Variants in AK9 observed in about 807,000 individuals in gnomAD.
AK9 encodes adenylate kinase domain containing 1.
In AK9, 191 loss-of-function variants were observed where a neutral mutation model predicts 239.6. The observed-to-expected ratio is 0.80, with a 90% CI of 0.71 to 0.90. The LOEUF (loss-of-function observed/expected upper bound fraction) is 0.90, where lower values mean the gene tolerates loss of function less well. AK9 is among the 40% of genes least tolerant of loss of function. AK9 has a pLI of 0.00. For missense variants in AK9, 1,995 were observed against 2,214.7 expected (o/e 0.90, Z 1.99); for synonymous variants, 689 against 721.0 (o/e 0.96, Z 0.71).
intron 24 of AK9, 32 bp downstream of exon 24, chr6:109,563,565 A>G: frequency 6.5e-7 from 1 of 1,546,570 alleles, no homozygotes. Flanking sequence ...TGACTTCACA[A>G]ATGAGAATGA....
intron 28 of AK9, among the ~76,000 whole-genome samples, chr6:109,530,049 T>C (rs565815256): frequency 7.9e-5 from 12 of 152,274 alleles, no homozygotes; most frequent in African/African-American, 2.6e-4. Context: ...AGACTTGATA[T>C]ATAGATAGTC....
intron 12 of AK9, among the ~76,000 whole-genome samples, chr6:109,628,802 G>C (rs1795816517): frequency 6.6e-6 from 1 of 151,918 alleles, no homozygotes; most frequent in Non-Finnish European, 1.5e-5. Context: ...TATTTTCCTA[G>C]CATTGCCTAT....
intron 12 of AK9, among the ~76,000 whole-genome samples, chr6:109,619,666 G>A (rs1015926627): frequency 6.6e-6 from 1 of 152,004 alleles, no homozygotes; most frequent in African/African-American, 2.4e-5. Context: ...CATTTGCCGG[G>A]TGTGGTGGCT....
At position 109,495,425 on chromosome 6, in the gene AK9, G is replaced by A. The variant is rs1197983917; in HGVS notation, c.5331C>T (p.Tyr1777=). The A allele has an allele frequency of 3.7e-6, 6 of 1,613,058 alleles. No individual in the cohort carries two copies. The South Asian group carries it at 4.4e-5, about 12-fold the overall frequency. The change falls in exon 39 of 41, where the codon TAC becomes TAT. Residue 1777 remains tyrosine, a synonymous_variant. Transcript: ENST00000424296. ...GCTTGTGTGGAAGCTTCTGTTCCCAGTATTTCAGTGGCGACCTAAGAACAC... is the reference window on the plus strand; with the variant it reads ...GCTTGTGTGGAAGCTTCTGTTCCCAATATTTCAGTGGCGACCTAAGAACAC... ...LQKFLRSPLK[Y]WEQKLPHKLP... is the part of the protein sequence containing the mutation.
At position 109,665,340 on chromosome 6, in the gene AK9, G is replaced by A. The variant is rs775987593; in HGVS notation, c.332-2677C>T. Among the ~76,000 whole-genome samples, 6 of 152,156 alleles carry A rather than the reference G, an allele frequency of 3.9e-5. 1 individual carries two copies. The highest frequency in any genetic ancestry group is 2.0e-4 in the Admixed American group (3 of 15,278). On this transcript the variant is annotated intron_variant, in intron 5 of 40. Coordinates refer to ENST00000424296, the MANE Select transcript of AK9 (RefSeq NM_001145128.3). Reference sequence around the variant, plus strand: ...CTCCTGCTATTGTCTTAAACATAGCGTGGTATCCCCAAGGCATCTATCCTA... The same window carrying A: ...CTCCTGCTATTGTCTTAAACATAGCATGGTATCCCCAAGGCATCTATCCTA...
chr6:109,572,294 C>T (rs1340172566), intron 21 of AK9, among the ~76,000 whole-genome samples: 1 of 152,126 alleles, frequency 6.6e-6, no homozygotes, highest in African/African-American at 2.4e-5. Flanking sequence ...GGCAAGGAAG[C>T]CAAGTCCAAA....
At chr6:109,505,171 T>C (rs962828176) in intron 35 of AK9, among the ~76,000 whole-genome samples, 1 of 152,222 alleles carries the variant, frequency 6.6e-6, no homozygotes, top group Non-Finnish European at 1.5e-5. Context: ...TATGCCCACA[T>C]GGTGAAGCAA....
At chr6:109,564,007 G>C in intron 23 of AK9, 73 bp downstream of exon 23, 1 of 1,362,690 alleles carries the variant, frequency 7.3e-7, no homozygotes, top group Admixed American at 2.4e-5. Context: ...ATCAAAGAAG[G>C]CTTTCAAGTT....
At chr6:109,655,891 G>T (rs1303228182) in intron 8 of AK9, among the ~76,000 whole-genome samples, 2 of 152,174 alleles carry the variant, frequency 1.3e-5, no homozygotes, top group African/African-American at 4.8e-5. Flanking sequence ...GGGAGGAATA[G>T]AAGTCATACA....
intron 10 of AK9, among the ~76,000 whole-genome samples, chr6:109,633,710 A>G (rs1315404755): frequency 6.6e-6 from 1 of 152,212 alleles, no homozygotes; most frequent in African/African-American, 2.4e-5. Context: ...AAAATGTACC[A>G]GATTCTTAGC....
chr6:109,545,459 T>C (rs1783425696), intron 26 of AK9, among the ~76,000 whole-genome samples: 1 of 152,200 alleles, frequency 6.6e-6, no homozygotes, highest in Non-Finnish European at 1.5e-5. Flanking sequence ...CATGCTGTTC[T>C]TGTGATAGTG....
chr6:109,684,521 G>A (rs955542081), intron 1 of AK9, among the ~76,000 whole-genome samples: 1 of 151,900 alleles, frequency 6.6e-6, no homozygotes, highest in African/African-American at 2.4e-5. Flanking sequence ...CTAATATCCA[G>A]AATCTACAAA....
chr6:109,672,035 T>C lies in AK9; in HGVS notation c.235-20A>G, dbSNP rs1286494408. 2.5e-6 allele frequency: 4 copies of C among 1,612,824 alleles called. No individual in the cohort carries two copies. The highest frequency in any genetic ancestry group is 3.4e-6 in the Non-Finnish European group (4 of 1,179,066). ...TTGCAACTAAGGACAAGCATAGATATTGTACATTACTGTATAATATATCTA... is the reference window on the plus strand; with the variant it reads ...TTGCAACTAAGGACAAGCATAGATACTGTACATTACTGTATAATATATCTA... On this transcript the variant is annotated intron_variant, in intron 4 of 40. Transcript: ENST00000424296.
At chr6:109,592,254 CAAT>C (rs1790349808) in intron 17 of AK9, among the ~76,000 whole-genome samples, 1 of 151,878 alleles carries the variant, frequency 6.6e-6, no homozygotes, top group Admixed American at 6.6e-5. Flanking sequence ...CAGCAAAACA[CAAT>C]AATAATAATA....
chr6:109,637,024 T>C (rs1162172435), intron 10 of AK9, among the ~76,000 whole-genome samples: 2 of 152,188 alleles, frequency 1.3e-5, no homozygotes, highest in South Asian at 2.1e-4. Flanking sequence ...CCACAAACAA[T>C]GCAAGAGGGT....
chr6:109,571,623 C>T (rs1003789733), intron 21 of AK9, among the ~76,000 whole-genome samples: 1 of 152,138 alleles, frequency 6.6e-6, no homozygotes, highest in African/African-American at 2.4e-5. Flanking sequence ...ATAGTTAGCA[C>T]ATATTTTTAT....
chr6:109,637,003 ATT>A (rs1796800130), intron 10 of AK9, among the ~76,000 whole-genome samples: 5 of 152,102 alleles, frequency 3.3e-5, no homozygotes, highest in Admixed American at 6.5e-5. Context: ...CAGCTGTACC[ATT>A]TTACATCCCC....
chr6:109,589,835 G>T (rs1789988358), intron 17 of AK9, among the ~76,000 whole-genome samples: 1 of 151,974 alleles, frequency 6.6e-6, no homozygotes, highest in South Asian at 2.1e-4. Flanking sequence ...ATAGTTTTTT[G>T]TTTTTAATTC....
chr6:109,636,782 A>G (rs1278425721), intron 10 of AK9, among the ~76,000 whole-genome samples: 1 of 147,620 alleles, frequency 6.8e-6, no homozygotes, highest in Non-Finnish European at 1.5e-5. Context: ...ACACACACAC[A>G]CCACATTTTA....
Sources: gnomAD v4.1 joint callset for allele counts (sites outside exome capture counted in the v4.1 genomes callset) on GRCh38, gnomAD v4.1.1 for gene constraint, MANE v1.5 for transcripts, NCBI Gene and HGNC (gene_info 2026-07-23, HGNC 2026-07-21) for gene names.